The following PALM2AKAP2 variants were observed in gnomAD, a reference collection of about 807,000 sequenced individuals.
PALM2AKAP2 encodes the protein PALM2 and AKAP2 fusion, also known as PALM2-AKAP2 fusion protein.
PALM2AKAP2 carries 37 observed loss-of-function variants against 71.5 expected under a neutral mutation model. The observed-to-expected ratio is 0.52, with a 90% CI of 0.40 to 0.68. The LOEUF (loss-of-function observed/expected upper bound fraction) is 0.68. PALM2AKAP2 is among the 30% of genes least tolerant of loss of function. PALM2AKAP2 has a pLI of 0.00. For synonymous variants in PALM2AKAP2, 468 were observed against 478.8 expected (o/e 0.98, Z 0.29); for missense variants, 1,224 against 1,191.8 (o/e 1.03, Z -0.40).
intron 5 of PALM2AKAP2, among the ~76,000 whole-genome samples, chr9:109,931,596 A>C (rs1201797080): frequency 6.6e-6 from 1 of 152,186 alleles, no homozygotes; most frequent in East Asian, 1.9e-4. Context: ...CAATCCCACC[A>C]AGTTGATAAT....
intron 1 of PALM2AKAP2, among the ~76,000 whole-genome samples, chr9:109,668,543 T>C (rs1827526002): frequency 6.6e-6 from 1 of 152,228 alleles, no homozygotes; most frequent in South Asian, 2.1e-4. Context: ...ATTAATTATG[T>C]ATAGATTGTG....
At chr9:110,091,729 C>T (rs971934017) in intron 1 of PALM2AKAP2, among the ~76,000 whole-genome samples, 11 of 151,762 alleles carry the variant, frequency 7.2e-5, no homozygotes, top group Admixed American at 3.3e-4. Context: ...CCCAAAGTGC[C>T]GGGATTACAG....
chr9:109,936,843 A>C (rs1261459956), intron 6 of PALM2AKAP2, among the ~76,000 whole-genome samples: 1 of 152,110 alleles, frequency 6.6e-6, no homozygotes, highest in Non-Finnish European at 1.5e-5. Context: ...ACAGCGGAAC[A>C]TGTGGTGCTT....
intron 1 of PALM2AKAP2, among the ~76,000 whole-genome samples, chr9:109,689,297 G>A (rs1313176128): frequency 1.3e-5 from 2 of 150,972 alleles, no homozygotes; most frequent in Non-Finnish European, 2.9e-5. Flanking sequence ...CCGCCTGCTG[G>A]GTTCAAGCGA....
At chr9:109,820,028 A>C (rs1265893443) in intron 1 of PALM2AKAP2, among the ~76,000 whole-genome samples, 1 of 152,212 alleles carries the variant, frequency 6.6e-6, no homozygotes, top group Non-Finnish European at 1.5e-5. Context: ...ACAAGTAGTA[A>C]AATAGATCAG....
chr9:109,836,664 C>T (rs1355607436), intron 1 of PALM2AKAP2, among the ~76,000 whole-genome samples: 2 of 152,140 alleles, frequency 1.3e-5, no homozygotes, highest in African/African-American at 2.4e-5. Flanking sequence ...CTAGAATAAC[C>T]AGTGTAGAGA....
chr9:109,681,033 A>G (rs191668056), intron 1 of PALM2AKAP2, among the ~76,000 whole-genome samples: 103 of 152,378 alleles, frequency 6.8e-4, no homozygotes, highest in African/African-American at 2.4e-3. Context: ...ATGTAAAGTT[A>G]TCTGACAGTT....
chr9:110,135,164 A>AAAAAAAAAAAAAAATAT lies in PALM2AKAP2; in HGVS notation c.157-962_157-961insAAAAAAAAAAAAATATA. On this transcript the variant is annotated intron_variant, in intron 1 of 3. Transcript: ENST00000374525. ...AACTCTGTCTCTACAAAAAAAAAAA[A>AAAAAAAAAAAAAAATAT]ATATATAAATATATATATATATATA... is the stretch of plus-strand genomic sequence containing the variant. 7.7e-5 allele frequency among the ~76,000 whole-genome samples: 4 copies of AAAAAAAAAAAAAAATAT among 51,732 alleles called. 1 individual carries two copies. The highest frequency in any genetic ancestry group is 7.5e-5 in the Non-Finnish European group (2 of 26,632). The allele number at this position is 51,732 out of a possible 152,430, so 33.9% of individuals were successfully genotyped here. A position where few individuals can be genotyped will look rare whatever the true frequency, so the allele number is the denominator to read the frequency against.
At chr9:109,695,919 A>G (rs928896320) in intron 1 of PALM2AKAP2, among the ~76,000 whole-genome samples, 4 of 152,186 alleles carry the variant, frequency 2.6e-5, no homozygotes, top group African/African-American at 9.6e-5. Flanking sequence ...ACAAACATAC[A>G]GTTAGAAGGA....
At chr9:110,004,333 C>T (rs1054662090) in intron 6 of PALM2AKAP2, among the ~76,000 whole-genome samples, 2 of 152,148 alleles carry the variant, frequency 1.3e-5, no homozygotes, top group South Asian at 2.1e-4. Context: ...AAAATTCTTT[C>T]CTTTAAGAAT....
chr9:110,079,002 G>A (rs776043798), intron 1 of PALM2AKAP2, among the ~76,000 whole-genome samples: 2 of 152,282 alleles, frequency 1.3e-5, no homozygotes, highest in African/African-American at 2.4e-5. Context: ...GCCCTGGGCC[G>A]TTCAACCTTG....
chr9:109,755,767 A>G (rs1199245336), intron 1 of PALM2AKAP2, among the ~76,000 whole-genome samples: 2 of 152,034 alleles, frequency 1.3e-5, no homozygotes, highest in Non-Finnish European at 2.9e-5. Flanking sequence ...TGTAACATTA[A>G]ATATTTATTT....
At chr9:110,083,647 AGCAAAG>A (rs1217674276) in intron 1 of PALM2AKAP2, among the ~76,000 whole-genome samples, 3 of 152,252 alleles carry the variant, frequency 2.0e-5, no homozygotes, top group African/African-American at 7.2e-5. Flanking sequence ...TTCCATTGGT[AGCAAAG>A]AGAAGATCCT....
intron 1 of PALM2AKAP2, among the ~76,000 whole-genome samples, chr9:110,073,863 C>T (rs1834263185): frequency 6.6e-6 from 1 of 152,208 alleles, no homozygotes; most frequent in South Asian, 2.1e-4. Flanking sequence ...ACTTAGTATA[C>T]CTTTTTTAAT....
chr9:109,743,210 G>A (rs887488881), intron 1 of PALM2AKAP2, among the ~76,000 whole-genome samples: 2 of 152,138 alleles, frequency 1.3e-5, no homozygotes, highest in East Asian at 3.8e-4. Context: ...TGAAGCATGT[G>A]TAAAGCTTAA....
At chr9:109,857,676 G>A (rs117643971) in intron 1 of PALM2AKAP2, among the ~76,000 whole-genome samples, 157 of 152,324 alleles carry the variant, frequency 1.0e-3, no homozygotes, top group Non-Finnish European at 1.9e-3. Context: ...ACTCTGGAGT[G>A]AGACTGTTTA....
chr9:110,147,676 G>A (rs563229715), intron 2 of PALM2AKAP2, among the ~76,000 whole-genome samples: 2 of 152,288 alleles, frequency 1.3e-5, no homozygotes, highest in South Asian at 4.1e-4. Flanking sequence ...AGGAGGCGAG[G>A]TGGGAGGATT....
At chr9:109,677,582 C>G (rs974370797) in intron 1 of PALM2AKAP2, among the ~76,000 whole-genome samples, 1 of 151,422 alleles carries the variant, frequency 6.6e-6, no homozygotes, top group Admixed American at 6.6e-5. Context: ...GCAGGAGAAT[C>G]ACTTGAACCC....
At chr9:109,774,197 C>G (rs756042131) in intron 1 of PALM2AKAP2, among the ~76,000 whole-genome samples, 11 of 152,220 alleles carry the variant, frequency 7.2e-5, no homozygotes, top group Non-Finnish European at 1.2e-4. Context: ...GGTCATTGTG[C>G]TAAGGTAAAC....
Sources: allele counts gnomAD v4.1 joint callset (sites outside exome capture counted in the v4.1 genomes callset), GRCh38; gene constraint gnomAD v4.1.1; transcripts MANE v1.5; gene names NCBI Gene and HGNC (gene_info 2026-07-23, HGNC 2026-07-21).